WWOX: variants seen among roughly 807,000 people sequenced by gnomAD.
The protein encoded by WWOX is WW domain-containing oxidoreductase.
WWOX carries 69 observed loss-of-function variants against 46.2 expected under a neutral mutation model. The ratio of observed to expected loss-of-function variants is 1.49; its 90% CI spans 1.23 to 1.82. The LOEUF (loss-of-function observed/expected upper bound fraction) is 1.82. WWOX is among the 40% of genes most tolerant of loss of function. WWOX has a pLI of 0.00. For missense variants in WWOX, 919 were observed against 542.6 expected (o/e 1.69, Z -6.89); for synonymous variants, 359 against 202.6 (o/e 1.77, Z -6.56).
intron 7 of WWOX, among the ~76,000 whole-genome samples, chr16:78,425,376 A>T (rs1186674713): frequency 6.6e-6 from 1 of 152,222 alleles, no homozygotes. Context: ...AACAACTTCA[A>T]CATCTTACCA....
In WWOX at chr16:79,207,012, C is replaced by T. The variant is rs145978908; in HGVS notation, c.1057-4596C>T. ...TGAGGAATGGCTGTATCCCAAGCAC[C>T]GAGGTATCTGGAGATGACCTCTGCA... On this transcript the variant is annotated intron_variant, in intron 8 of 8. Transcript: ENST00000566780. Among the ~76,000 whole-genome samples the T allele has an allele frequency of 8.1e-4, 124 of 152,172 alleles. No individual in the cohort carries two copies. In the Middle Eastern group the frequency reaches 0.014, roughly 17 times the overall value.
chr16:79,102,871 G>A (rs2049229426), intron 8 of WWOX, among the ~76,000 whole-genome samples: 1 of 152,044 alleles, frequency 6.6e-6, no homozygotes, highest in Non-Finnish European at 1.5e-5. Context: ...AGGGCAGAAT[G>A]TCCTGTGTAC....
intron 8 of WWOX, among the ~76,000 whole-genome samples, chr16:78,731,835 TTTTC>T (rs1255199931): frequency 7.2e-6 from 1 of 138,888 alleles, no homozygotes; most frequent in Non-Finnish European, 1.5e-5. Context: ...TGCCAATTTT[TTTTC>T]TTTCTCTTTT....
intron 8 of WWOX, among the ~76,000 whole-genome samples, chr16:78,950,828 G>C (rs1367145547): frequency 6.6e-6 from 1 of 152,194 alleles, no homozygotes; most frequent in East Asian, 1.9e-4. Context: ...GGGAAAACCA[G>C]ACTTTTGAAG....
Position 78,432,668 on chromosome 16 carries a change from A to T in WWOX, c.972A>T (p.Gly324=), listed in dbSNP as rs952025951. ...RGVTSNAVHP[G]NMMYSNIHRS... The stretch of plus-strand genomic sequence containing the variant: ...TCACGTCGAACGCAGTGCATCCTGG[A>T]AATATGATGTACTCCAACATTCATC... Residue 324 remains glycine, a synonymous_variant, in exon 8 of 9, where the codon GGA becomes GGT. Coordinates refer to ENST00000566780, the MANE Select transcript of WWOX (RefSeq NM_016373.4). 4 of 1,614,172 alleles carry T rather than the reference A, an allele frequency of 2.5e-6. No individual in the cohort carries two copies. The East Asian group carries it at 8.9e-5, about 36-fold the overall frequency.
chr16:78,351,158 C>T (rs2081176232), intron 5 of WWOX, among the ~76,000 whole-genome samples: 1 of 152,100 alleles, frequency 6.6e-6, no homozygotes, highest in Non-Finnish European at 1.5e-5. Context: ...GCAGTGTGTG[C>T]TTTTAGGCAC....
At chr16:78,889,585 C>T (rs1474503635) in intron 8 of WWOX, among the ~76,000 whole-genome samples, 1 of 152,204 alleles carries the variant, frequency 6.6e-6, no homozygotes, top group East Asian at 1.9e-4. Context: ...AAAACCGAGC[C>T]AAGCTTGAAA....
At chr16:78,353,852 T>C (rs1263751438) in intron 5 of WWOX, among the ~76,000 whole-genome samples, 2 of 152,224 alleles carry the variant, frequency 1.3e-5, no homozygotes, top group African/African-American at 4.8e-5. Flanking sequence ...GCTTTACCCT[T>C]GCCCTTGATG....
At chr16:78,745,471 T>G (rs2049326488) in intron 8 of WWOX, among the ~76,000 whole-genome samples, 2 of 152,066 alleles carry the variant, frequency 1.3e-5, no homozygotes, top group South Asian at 4.2e-4. Flanking sequence ...GGACCCTATT[T>G]TAATGTTTAG....
intron 8 of WWOX, among the ~76,000 whole-genome samples, chr16:78,733,919 A>G (rs9933169): frequency 0.27 from 41,361 of 151,672 alleles, 8,267 homozygotes; most frequent in African/African-American, 0.56. Context: ...TAAAACAGCT[A>G]GGCATAGAGG....
At chr16:79,040,709 C>G (rs1480780257) in intron 8 of WWOX, among the ~76,000 whole-genome samples, 1 of 152,122 alleles carries the variant, frequency 6.6e-6, no homozygotes, top group African/African-American at 2.4e-5. Flanking sequence ...AGTCACAGAT[C>G]ATTGGGATAA....
intron 6 of WWOX, among the ~76,000 whole-genome samples, chr16:78,406,277 CCATTA>C (rs1169713097): frequency 3.2e-5 from 4 of 124,838 alleles, no homozygotes; most frequent in Non-Finnish European, 6.6e-5. Flanking sequence ...GATATAATTT[CCATTA>C]CATTACAGCA....
At chr16:78,843,935 C>A (rs917528292) in intron 8 of WWOX, among the ~76,000 whole-genome samples, 5 of 152,210 alleles carry the variant, frequency 3.3e-5, no homozygotes, top group Non-Finnish European at 4.4e-5. Flanking sequence ...CAGAGCAACA[C>A]CGAAAAGCGT....
intron 8 of WWOX, among the ~76,000 whole-genome samples, chr16:79,087,400 A>G (rs1342368686): frequency 6.6e-6 from 1 of 152,212 alleles, no homozygotes; most frequent in Non-Finnish European, 1.5e-5. Flanking sequence ...CTCCGTAGAC[A>G]CCACTGTGTT....
At chr16:79,068,083 G>A (rs1307791957) in intron 8 of WWOX, among the ~76,000 whole-genome samples, 1 of 152,210 alleles carries the variant, frequency 6.6e-6, no homozygotes, top group Admixed American at 6.5e-5. Context: ...AGTGCACAGG[G>A]GATGGGAGGG....
intron 8 of WWOX, among the ~76,000 whole-genome samples, chr16:78,683,108 A>G (rs1049229202): frequency 2.0e-5 from 3 of 152,198 alleles, no homozygotes; most frequent in Non-Finnish European, 2.9e-5. Context: ...GTTCTATCCC[A>G]GAAATATTCC....
intron 8 of WWOX, among the ~76,000 whole-genome samples, chr16:78,588,488 T>C (rs1382805675): frequency 6.6e-6 from 1 of 152,174 alleles, no homozygotes; most frequent in Non-Finnish European, 1.5e-5. Flanking sequence ...AAAGTTATTT[T>C]TGTAGTGGCC....
chr16:78,987,566 G>C (rs1326493745), intron 8 of WWOX, among the ~76,000 whole-genome samples: 1 of 152,026 alleles, frequency 6.6e-6, no homozygotes, highest in African/African-American at 2.4e-5. Flanking sequence ...AAAATATGTG[G>C]GTTGAGAAAA....
chr16:79,124,371 T>C (rs1210508689), intron 8 of WWOX, among the ~76,000 whole-genome samples: 1 of 152,192 alleles, frequency 6.6e-6, no homozygotes, highest in Non-Finnish European at 1.5e-5. Flanking sequence ...ACTGGTTTAT[T>C]GGAAACCATA....
Sources: gnomAD v4.1 joint callset for allele counts (sites outside exome capture counted in the v4.1 genomes callset) on GRCh38, gnomAD v4.1.1 for gene constraint, MANE v1.5 for transcripts, NCBI Gene and HGNC (gene_info 2026-07-23, HGNC 2026-07-21) for gene names.